The following CTBS variants were observed in gnomAD, a reference collection of about 807,000 sequenced individuals.
CTBS encodes the protein chitobiase.
In CTBS, 35 loss-of-function variants were observed where a neutral mutation model predicts 44.3. The observed-to-expected ratio is 0.79, with a 90% confidence interval of 0.60 to 1.05. The LOEUF is 1.05. Ranked by LOEUF, CTBS falls within the 50% of genes least tolerant of loss-of-function variation. CTBS has a pLI of 0.00. For missense variants in CTBS, 458 were observed against 475.3 expected, an observed-to-expected ratio of 0.96 and a Z score of 0.34; for synonymous variants, 143 against 168.0, an observed-to-expected ratio of 0.85 and a Z score of 1.15.
intron 6 of CTBS, among the ~76,000 whole-genome samples, chr1:84,559,872 G>A (rs775183113): frequency 6.4e-4 from 97 of 152,018 alleles, no homozygotes; most frequent in Middle Eastern, 3.4e-3. Context: ...ATCACTTGAG[G>A]TCAGGAGTTT....
intron 6 of CTBS, among the ~76,000 whole-genome samples, chr1:84,560,027 T>A (rs2102021062): frequency 7.3e-6 from 1 of 137,162 alleles, no homozygotes; most frequent in South Asian, 2.2e-4. Context: ...GAGGGTGCAG[T>A]GAACCCAGAG....
chr1:84,551,839 A>G lies in CTBS; in HGVS notation c.*3160T>C, dbSNP rs1372270110. Reference sequence around the variant, plus strand: ...AAACTTGTACACTTAATAATTGGGTAGGTAGGAAGGAGTAATAAAAATGCC... The same window carrying G: ...AAACTTGTACACTTAATAATTGGGTGGGTAGGAAGGAGTAATAAAAATGCC... On this transcript the variant is annotated 3_prime_UTR_variant, in exon 7 of 7. Coordinates refer to ENST00000370630, the MANE Select transcript of CTBS (RefSeq NM_004388.3). 6.6e-6 allele frequency: 1 copy of G among 152,192 alleles called. No homozygotes were observed. Among genetic ancestry groups the G allele is most frequent in the African/African-American group, 2.4e-5 (1 of 41,466 alleles). 9.4% of individuals were successfully genotyped at this position (152,192 alleles called of 1,614,324 possible).
chr1:84,565,293 A>AC (rs1684669933), intron 4 of CTBS, among the ~76,000 whole-genome samples: 1 of 152,240 alleles, frequency 6.6e-6, no homozygotes, highest in Admixed American at 6.5e-5. Flanking sequence ...TGAAGAGGAT[A>AC]ATGCAAAGCC....
rs1362673835 is a variant in CTBS at position 84,571,901 on chromosome 1, G to GGA, written c.178-1183_178-1182dup. ...AGATTGCATTCTCAACTGAGGGAAG[G>GGA]GAAAGCCCAAAGGTCGCTACACCTC... On this transcript the variant is annotated intron_variant, in intron 1 of 6. Transcript: ENST00000370630. 2.0e-5 allele frequency among the ~76,000 whole-genome samples: 3 copies of GGA among 152,252 alleles called. No homozygotes were observed. In the East Asian group the frequency reaches 5.8e-4, roughly 29 times the overall value.
In CTBS at chr1:84,554,898, T is replaced by C. The variant is rs1179196922; in HGVS notation, c.*101A>G. On this transcript the variant is annotated 3_prime_UTR_variant, in exon 7 of 7. Transcript: ENST00000370630. ...ATTTATTTATTCTTTTTTTTTAGTA[T>C]ACGGATAACAAAAGTATATAGCAAC... 1 of 863,470 alleles carries C rather than the reference T, an allele frequency of 1.2e-6. No homozygotes were observed. The highest frequency in any genetic ancestry group is 2.5e-5 in the Admixed American group (1 of 39,692). The allele number at this position is 863,470 out of a possible 1,614,324, so 53.5% of individuals were successfully genotyped here.
chr1:84,574,103 G>A, intron 1 of CTBS, 136 bp downstream of exon 1: 2 of 1,475,782 alleles, frequency 1.4e-6, no homozygotes, highest in Non-Finnish European at 1.8e-6. Context: ...TGAAGGATCC[G>A]TAAACAGGAA....
rs1380766570 is a variant in CTBS, at chr1:84,551,437, GA to G, written c.*3561del. ...GTCCAACAGAACTTATGTGATGATA[GA>G]AATGTTCTATGCCTGCACTGTCAGA... On this transcript the variant is annotated 3_prime_UTR_variant, in exon 7 of 7. Coordinates refer to ENST00000370630, the MANE Select transcript of CTBS (RefSeq NM_004388.3). 8.3e-6 allele frequency: 3 copies of G among 363,034 alleles called. No homozygotes were observed. The East Asian group carries it at 4.9e-4, about 60-fold the overall frequency. 22.5% of individuals were successfully genotyped at this position (363,034 alleles called of 1,614,324 possible). A position where few individuals can be genotyped will look rare whatever the true frequency, so the allele number is the denominator to read the frequency against.
At chr1:84,562,616 T>C (rs142917939) in intron 6 of CTBS, among the ~76,000 whole-genome samples, 368 of 152,282 alleles carry the variant, frequency 2.4e-3, no homozygotes, top group Admixed American at 3.7e-3. Flanking sequence ...GCCTTTATAA[T>C]GCTAAAGGTA....
At chr1:84,558,491 C>G (rs1684519976) in intron 6 of CTBS, among the ~76,000 whole-genome samples, 1 of 151,222 alleles carries the variant, frequency 6.6e-6, no homozygotes, top group Non-Finnish European at 1.5e-5. Flanking sequence ...CGGGGTTTCA[C>G]CGTTTTAGCC....
chr1:84,554,881 A>T lies in CTBS; in HGVS notation c.*118T>A. ...ATTCAAACAATCAAAACATTTATTTATTCTTTTTTTTTAGTATACGGATAA... is the reference window on the plus strand; with the variant it reads ...ATTCAAACAATCAAAACATTTATTTTTTCTTTTTTTTTAGTATACGGATAA... On this transcript the variant is annotated 3_prime_UTR_variant, in exon 7 of 7. Transcript: ENST00000370630. 1.3e-6 allele frequency: 1 copy of T among 756,300 alleles called. No homozygotes were observed. Among genetic ancestry groups the T allele is most frequent in the Non-Finnish European group, 2.1e-6 (1 of 478,670 alleles). 46.8% of individuals were successfully genotyped at this position (756,300 alleles called of 1,614,324 possible). A position where few individuals can be genotyped will look rare whatever the true frequency, so the allele number is the denominator to read the frequency against.
chr1:84,551,246 ATTTC>A lies in CTBS; in HGVS notation c.*3749_*3752del, dbSNP rs1684261549. On this transcript the variant is annotated 3_prime_UTR_variant, in exon 7 of 7. Coordinates refer to ENST00000370630, the MANE Select transcript of CTBS (RefSeq NM_004388.3). ...GAACGATAATTATATGAATGCTCTC[ATTTC>A]TTTATCAGAAACAGCTTTATGACAC... 2 of 985,032 alleles carry A rather than the reference ATTTC, an allele frequency of 2.0e-6. No individual in the cohort carries two copies. Among genetic ancestry groups the A allele is most frequent in the Non-Finnish European group, 2.4e-6 (2 of 829,568 alleles). The allele number at this position is 985,032 out of a possible 1,614,324, so 61.0% of individuals were successfully genotyped here.
chr1:84,556,050 T>A (rs1684421014), intron 6 of CTBS: 1 of 152,186 alleles, frequency 6.6e-6, no homozygotes, highest in Non-Finnish European at 1.5e-5. Context: ...GTCTGTTAGG[T>A]CTGCACTTTA....
intron 1 of CTBS, 170 bp downstream of exon 1, chr1:84,574,069 G>C: frequency 6.9e-7 from 1 of 1,446,564 alleles, no homozygotes; most frequent in Non-Finnish European, 9.1e-7. Flanking sequence ...ACTTCTCTGA[G>C]CCCGAGCTTC....
chr1:84,566,087 A>G (rs960690777), intron 3 of CTBS, 75 bp from the exon 4 acceptor site: 88 of 917,684 alleles, frequency 9.6e-5, no homozygotes, highest in Non-Finnish European at 1.2e-4. Flanking sequence ...AAAATTATAT[A>G]TATTTTTTAC....
At chr1:84,573,893 G>A in intron 1 of CTBS, 1 of 1,140,852 alleles carries the variant, frequency 8.8e-7, no homozygotes, top group Non-Finnish European at 1.1e-6. Flanking sequence ...TCGTTCCTTG[G>A]AAACATAAAT....
At position 84,565,960 on chromosome 1, in the gene CTBS, T is replaced by G. The variant is rs1232905596; in HGVS notation, c.578A>C (p.Asn193Thr). Residue 193 changes from asparagine (N) to threonine (T), a missense_variant, in exon 4 of 7, where the codon AAT (asparagine) becomes ACT (threonine). Transcript: ENST00000370630. ...ACAAGCATCTGCGATTCCAGTATAA[T>G]TATAGCATCTTCTGTCTATGTTCTT... Reference protein sequence around the residue: ...SPKNIDRRCYNYTGIADACDF... With the variant: ...SPKNIDRRCYTYTGIADACDF... The G allele has an allele frequency of 1.3e-6, 2 of 1,595,350 alleles. No individual in the cohort carries two copies. Among genetic ancestry groups the G allele is most frequent in the African/African-American group, 2.7e-5 (2 of 73,936 alleles).
chr1:84,556,235 G>C (rs1453225037), intron 6 of CTBS, among the ~76,000 whole-genome samples: 3 of 152,106 alleles, frequency 2.0e-5, no homozygotes, highest in Non-Finnish European at 4.4e-5. Context: ...AAAGGGAAAG[G>C]AGCAGATCTA....
intron 3 of CTBS, among the ~76,000 whole-genome samples, chr1:84,568,334 T>C (rs1344055777): frequency 6.6e-6 from 1 of 150,966 alleles, no homozygotes; most frequent in East Asian, 1.9e-4. Context: ...CCAAAATGTG[T>C]GAGGAGGAGA....
At chr1:84,570,269 G>A in intron 2 of CTBS, 130 bp from the exon 3 acceptor site, 1 of 733,952 alleles carries the variant, frequency 1.4e-6, no homozygotes, top group Non-Finnish European at 2.2e-6. Flanking sequence ...CATTACTCAT[G>A]AATCTCCAAA....
Sources: allele counts gnomAD v4.1 joint callset (sites outside exome capture counted in the v4.1 genomes callset), GRCh38; gene constraint gnomAD v4.1.1; transcripts MANE v1.5; gene names NCBI Gene and HGNC (gene_info 2026-07-23, HGNC 2026-07-21).